Variants in GID8 observed in about 807,000 individuals in gnomAD.
GID8 encodes the protein GID complex subunit 8 homolog.
GID8 carries 6 observed loss-of-function variants against 27.4 expected under a neutral mutation model. The ratio of observed to expected loss-of-function variants is 0.22; its 90% CI spans 0.12 to 0.43. The LOEUF (loss-of-function observed/expected upper bound fraction) is 0.43. Ranked by LOEUF, GID8 falls within the 20% of genes least tolerant of loss-of-function variation. The pLI is 1.00. For missense variants in GID8, 173 were observed against 287.6 expected (o/e 0.60, Z 2.88); for synonymous variants, 112 against 109.0 (o/e 1.03, Z -0.17).
rs2065466036 is a variant in GID8, at chr20:62,946,239, T to G, written c.*1327T>G. 3.0e-6 allele frequency: 1 copy of G among 334,360 alleles called. No individual in the cohort carries two copies. The highest frequency in any genetic ancestry group is 5.9e-6 in the Non-Finnish European group (1 of 169,048). The allele number at this position is 334,360 out of a possible 1,614,324, so 20.7% of individuals were successfully genotyped here. A position where few individuals can be genotyped will look rare whatever the true frequency, so the allele number is the denominator to read the frequency against. On this transcript the variant is annotated 3_prime_UTR_variant, in exon 5 of 5. Coordinates refer to ENST00000266069, the MANE Select transcript of GID8 (RefSeq NM_017896.3). ...GGGCAGAATGCTGCTAGCACTTGAA[T>G]CTGGGATCTCGCCTTATTCTCAAGT...
chr20:62,943,257 A>G lies in GID8; in HGVS notation c.315+74A>G. ...AAGTTATTTGCAATGATTGAGAAATAACTAGGCTAATTTGCTTTAATAATG... is the reference window on the plus strand; with the variant it reads ...AAGTTATTTGCAATGATTGAGAAATGACTAGGCTAATTTGCTTTAATAATG... On this transcript the variant is annotated intron_variant, in intron 3 of 4. Coordinates refer to ENST00000266069, the MANE Select transcript of GID8 (RefSeq NM_017896.3). This position sits in a 1 kb window ranked among gnomAD's most constrained non-coding sequence, Gnocchi z 4.7. The G allele has an allele frequency of 8.3e-7, 1 of 1,211,800 alleles. No individual in the cohort carries two copies. Among genetic ancestry groups the G allele is most frequent in the Middle Eastern group, 2.5e-4 (1 of 3,940 alleles). 75.1% of individuals were successfully genotyped at this position (1,211,800 alleles called of 1,614,324 possible).
In GID8 at chr20:62,945,625, G is replaced by C. The variant is rs2065463042; in HGVS notation, c.*713G>C. ...TTGTTGAAAATAAAGGTTTCTCTTT[G>C]ATTTCAAGAATGACCAAAATGGCCT... On this transcript the variant is annotated 3_prime_UTR_variant, in exon 5 of 5. Coordinates refer to ENST00000266069, the MANE Select transcript of GID8 (RefSeq NM_017896.3). 8.6e-7 allele frequency: 1 copy of C among 1,167,910 alleles called. No homozygotes were observed. The highest frequency in any genetic ancestry group is 1.1e-6 in the Non-Finnish European group (1 of 931,098). 72.3% of individuals were successfully genotyped at this position (1,167,910 alleles called of 1,614,324 possible). A position where few individuals can be genotyped will look rare whatever the true frequency, so the allele number is the denominator to read the frequency against.
Position 62,941,534 on chromosome 20 carries a change from C to T in GID8, c.32C>T (p.Thr11Met), listed in dbSNP as rs531659540. The T allele has an allele frequency of 1.6e-5, 25 of 1,612,242 alleles. No homozygotes were observed. The highest frequency in any genetic ancestry group is 3.3e-4 in the Middle Eastern group (2 of 6,058). Reference protein sequence around the residue: MSYAEKPDEITKDEWMEKLNN... With the variant: MSYAEKPDEIMKDEWMEKLNN... ...TATGCAGAAAAACCCGATGAAATCACGAAAGATGAGTGGATGGAAAAGCTC... is the reference window on the plus strand; with the variant it reads ...TATGCAGAAAAACCCGATGAAATCATGAAAGATGAGTGGATGGAAAAGCTC... The change falls in exon 2 of 5, where the codon ACG (threonine) becomes ATG (methionine). Residue 11 changes from threonine to methionine, a missense_variant. Physicochemically the swap from Thr to Met is moderately conservative, Grantham distance 81. Transcript: ENST00000266069.
chr20:62,944,876 A>AAG lies in GID8; in HGVS notation c.651_652insAG (p.Asp218ArgfsTer7). ...AGAAAGTAAAATATCCCAAAATGAC[A>AAG]GACCTCAGCAAGGGTGTGATTGAGG... On this transcript the variant is annotated frameshift_variant, in exon 5 of 5. Transcript: ENST00000266069. LOFTEE classifies it high-confidence loss of function. 1.2e-6 allele frequency: 2 copies of AAG among 1,613,784 alleles called. No individual in the cohort carries two copies. Among genetic ancestry groups the AAG allele is most frequent in the Non-Finnish European group, 1.7e-6 (2 of 1,179,766 alleles).
chr20:62,939,133 A>T (rs956814358), intron 1 of GID8, among the ~76,000 whole-genome samples: 1 of 152,008 alleles, frequency 6.6e-6, no homozygotes, highest in African/African-American at 2.4e-5. Flanking sequence ...AAAAAGAAAA[A>T]GAAAATGAGT....
At position 62,945,833 on chromosome 20, in the gene GID8, G is replaced by A. The variant is rs1227006844; in HGVS notation, c.*921G>A. The stretch of plus-strand genomic sequence containing the variant: ...GTGGGGACGCAGAGCCCCAGCAGGT[G>A]GTGCACGACTGTTGGCGGAAGGAAC... On this transcript the variant is annotated 3_prime_UTR_variant, in exon 5 of 5. Coordinates refer to ENST00000266069, the MANE Select transcript of GID8 (RefSeq NM_017896.3). 7.8e-7 allele frequency: 1 copy of A among 1,289,394 alleles called. No individual in the cohort carries two copies. The allele number at this position is 1,289,394 out of a possible 1,614,324, so 79.9% of individuals were successfully genotyped here.
intron 1 of GID8, among the ~76,000 whole-genome samples, chr20:62,940,193 T>C (rs1423170928): frequency 2.0e-5 from 2 of 99,600 alleles, no homozygotes; most frequent in East Asian, 6.3e-4. Flanking sequence ...TTTTCTTTTT[T>C]TTTTTTTTTG....
rs150657225 is a variant in GID8, at chr20:62,947,899, T to G, written c.*2987T>G. On this transcript the variant is annotated 3_prime_UTR_variant, in exon 5 of 5. Transcript: ENST00000266069. The stretch of plus-strand genomic sequence containing the variant: ...TTTCTCTTTCTCTGCGTTGTTAGTT[T>G]TGAAGAGTGGAGGAGCTAGGGGCTC... 1.2e-4 allele frequency: 19 copies of G among 152,358 alleles called. No individual in the cohort carries two copies. The highest frequency in any genetic ancestry group is 4.6e-4 in the African/African-American group (19 of 41,572). 9.4% of individuals were successfully genotyped at this position (152,358 alleles called of 1,614,324 possible). A position where few individuals can be genotyped will look rare whatever the true frequency, so the allele number is the denominator to read the frequency against.
In GID8 at chr20:62,947,799, C is replaced by T. The variant is rs778055170; in HGVS notation, c.*2887C>T. ...AGCTGCTCCTTCCATTCCGTCAGGA[C>T]GTGATCTGAAAACATGTAGAGAAGA... On this transcript the variant is annotated 3_prime_UTR_variant, in exon 5 of 5. Transcript: ENST00000266069. 3 of 152,192 alleles carry T rather than the reference C, an allele frequency of 2.0e-5. No homozygotes were observed. The highest frequency in any genetic ancestry group is 2.9e-5 in the Non-Finnish European group (2 of 68,044). The allele number at this position is 152,192 out of a possible 1,614,324, so 9.4% of individuals were successfully genotyped here. A position where few individuals can be genotyped will look rare whatever the true frequency, so the allele number is the denominator to read the frequency against.
At position 62,943,082 on chromosome 20, in the gene GID8, G is replaced by T; in HGVS notation, c.214G>T (p.Glu72Ter). Residue 72 changes from glutamate to a stop codon, truncating the protein, a stop_gained, in exon 3 of 5, where the codon GAG (glutamate) becomes TAG (stop). Transcript: ENST00000266069. LOFTEE classifies it high-confidence loss of function. This position sits in a 1 kb window ranked among gnomAD's most constrained non-coding sequence, Gnocchi z 4.7. ...ACTTGATGAACGAATCAAGATCCGG[G>T]AGATGATACTGAAAGGTCAGATTCA... ...ETLDERIKIR[E>*]MILKGQIQEA... The T allele has an allele frequency of 6.2e-7, 1 of 1,614,004 alleles. No individual in the cohort carries two copies. Among genetic ancestry groups the T allele is most frequent in the Non-Finnish European group, 8.5e-7 (1 of 1,179,848 alleles).
Position 62,944,118 on chromosome 20 carries a change from T to A in GID8, c.513+426T>A, listed in dbSNP as rs957421931. 2.0e-5 allele frequency among the ~76,000 whole-genome samples: 3 copies of A among 152,358 alleles called. No homozygotes were observed. The East Asian group carries it at 5.8e-4, about 29-fold the overall frequency. On this transcript the variant is annotated intron_variant, in intron 4 of 4. Transcript: ENST00000266069. Reference sequence around the variant, plus strand: ...CTGGGATTACAGGTGTGAGCCATCATGCTCAGCCTCTCTCTGGCTTTTAAT... The same window carrying A: ...CTGGGATTACAGGTGTGAGCCATCAAGCTCAGCCTCTCTCTGGCTTTTAAT...
Position 62,943,515 on chromosome 20 carries a change from G to C in GID8, c.336G>C (p.Leu112=). The C allele has an allele frequency of 6.2e-7, 1 of 1,612,470 alleles. No homozygotes were observed. The highest frequency in any genetic ancestry group is 8.5e-7 in the Non-Finnish European group (1 of 1,180,008). Residue 112 remains leucine, a synonymous_variant, in exon 4 of 5, where the codon CTG becomes CTC. Coordinates refer to ENST00000266069, the MANE Select transcript of GID8 (RefSeq NM_017896.3). This position sits in a 1 kb window ranked among gnomAD's most constrained non-coding sequence, Gnocchi z 4.7. ...TCCAGCAACAGCATTTGATCGAGCT[G>C]ATCCGCCAGCGGGAGACAGAGGCGG... is the stretch of plus-strand genomic sequence containing the variant. ...FHLQQQHLIE[L]IRQRETEAAL...
chr20:62,942,915 T>C, intron 2 of GID8, 72 bp from the exon 3 acceptor site: 2 of 1,119,728 alleles, frequency 1.8e-6, no homozygotes, highest in South Asian at 1.4e-5. Context: ...AATTGGAGTT[T>C]CTGGAGATAC....
rs910818293 is a variant in GID8 at position 62,948,461 on chromosome 20, A to G, written c.*3549A>G. ...TCTTAATGTAACAGTAAAAGTTTTC[A>G]CATTTTTCTCAGAACTGTTATCTGG... On this transcript the variant is annotated 3_prime_UTR_variant, in exon 5 of 5. Transcript: ENST00000266069. The G allele has an allele frequency of 6.6e-6, 1 of 152,186 alleles. No individual in the cohort carries two copies. Among genetic ancestry groups the G allele is most frequent in the African/African-American group, 2.4e-5 (1 of 41,448 alleles). 9.4% of individuals were successfully genotyped at this position (152,186 alleles called of 1,614,324 possible). A position where few individuals can be genotyped will look rare whatever the true frequency, so the allele number is the denominator to read the frequency against.
In GID8 at chr20:62,945,288, C is replaced by T; in HGVS notation, c.*376C>T. ...AGGAAAAGCACGAATCATGATTCTGCTTTCTGTTAGCTTAGGCAGACATTG... is the reference window on the plus strand; with the variant it reads ...AGGAAAAGCACGAATCATGATTCTGTTTTCTGTTAGCTTAGGCAGACATTG... On this transcript the variant is annotated 3_prime_UTR_variant, in exon 5 of 5. Coordinates refer to ENST00000266069, the MANE Select transcript of GID8 (RefSeq NM_017896.3). 9.9e-7 allele frequency: 1 copy of T among 1,010,458 alleles called. No homozygotes were observed. The highest frequency in any genetic ancestry group is 1.7e-5 in the African/African-American group (1 of 57,986). The allele number at this position is 1,010,458 out of a possible 1,614,324, so 62.6% of individuals were successfully genotyped here. A position where few individuals can be genotyped will look rare whatever the true frequency, so the allele number is the denominator to read the frequency against.
chr20:62,946,092 A>G lies in GID8; in HGVS notation c.*1180A>G, dbSNP rs2065465354. 1 of 1,128,532 alleles carries G rather than the reference A, an allele frequency of 8.9e-7. No individual in the cohort carries two copies. The highest frequency in any genetic ancestry group is 1.3e-5 in the South Asian group (1 of 75,996). The allele number at this position is 1,128,532 out of a possible 1,614,324, so 69.9% of individuals were successfully genotyped here. A position where few individuals can be genotyped will look rare whatever the true frequency, so the allele number is the denominator to read the frequency against. On this transcript the variant is annotated 3_prime_UTR_variant, in exon 5 of 5. Transcript: ENST00000266069. Reference sequence around the variant, plus strand: ...GATGTGTTTGGATTCATTGCAGCGGACCACCGGGCACTGTTGACCCCACTG... The same window carrying G: ...GATGTGTTTGGATTCATTGCAGCGGGCCACCGGGCACTGTTGACCCCACTG...
At chr20:62,940,387 T>G in intron 1 of GID8, among the ~76,000 whole-genome samples, 1 of 149,378 alleles carries the variant, frequency 6.7e-6, no homozygotes, top group Non-Finnish European at 1.5e-5. Context: ...TCTTGTTCTG[T>G]CGCCCAGGCT....
intron 2 of GID8, among the ~76,000 whole-genome samples, chr20:62,942,046 A>G (rs746905937): frequency 2.0e-5 from 3 of 152,340 alleles, no homozygotes; most frequent in Middle Eastern, 3.4e-3. Flanking sequence ...CTTGATGTCA[A>G]CTGGAGGAAG....
At position 62,943,388 on chromosome 20, in the gene GID8, G is replaced by C; in HGVS notation, c.316-107G>C. 1 of 1,132,076 alleles carries C rather than the reference G, an allele frequency of 8.8e-7. No homozygotes were observed. Among genetic ancestry groups the C allele is most frequent in the South Asian group, 1.4e-5 (1 of 71,142 alleles). The allele number at this position is 1,132,076 out of a possible 1,614,324, so 70.1% of individuals were successfully genotyped here. Reference sequence around the variant, plus strand: ...CAAATTTGATAACTCAGAGATGCAAGAAAAGTCTTCCCTCTGTGATGTACT... The same window carrying C: ...CAAATTTGATAACTCAGAGATGCAACAAAAGTCTTCCCTCTGTGATGTACT... On this transcript the variant is annotated intron_variant, in intron 3 of 4. Coordinates refer to ENST00000266069, the MANE Select transcript of GID8 (RefSeq NM_017896.3). The surrounding 1 kb of genome is among the most constrained non-coding windows in gnomAD (Gnocchi z 4.7).
Sources: gnomAD v4.1 joint callset for allele counts (sites outside exome capture counted in the v4.1 genomes callset) on GRCh38, gnomAD v4.1.1 for gene constraint, Gnocchi (gnomAD v3.1) non-coding constraint, MANE v1.5 for transcripts, NCBI Gene and HGNC (gene_info 2026-07-23, HGNC 2026-07-21) for gene names.